TRIM61: variants seen among roughly 807,000 people sequenced by gnomAD.
The protein encoded by TRIM61 is tripartite motif containing 61.
Under a neutral mutation model 14.2 loss-of-function variants are expected in TRIM61, and 1 was observed. The ratio of observed to expected loss-of-function variants is 0.07; its 90% confidence interval spans 0.03 to 0.33. The LOEUF (loss-of-function observed/expected upper bound fraction) is 0.33. TRIM61 is among the 10% of genes least tolerant of loss of function. The probability of loss-of-function intolerance (pLI) is 0.99; values close to 1 mark genes in which losing one functional copy is unlikely to be tolerated. For synonymous variants in TRIM61, 8 were observed against 71.6 expected, an observed-to-expected ratio of 0.11 and a Z score of 4.49; for missense variants, 19 against 202.2, an observed-to-expected ratio of 0.09 and a Z score of 5.49.
At chr4:164,968,840 C>T in intron 3 of TRIM61, 3 of 985,910 alleles carry the variant, frequency 3.0e-6, no homozygotes, top group Non-Finnish European at 3.6e-6. Context: ...TCGCCAAATT[C>T]CCCATAATCC....
At chr4:164,970,811 G>A (rs1040723479) in intron 2 of TRIM61, among the ~76,000 whole-genome samples, 2 of 152,114 alleles carry the variant, frequency 1.3e-5, no homozygotes, top group African/African-American at 4.8e-5. Context: ...AAAAAATGCT[G>A]GGAACAGGCT....
chr4:164,957,173 G>A (rs751145806), intron 3 of TRIM61: 2 of 1,611,678 alleles, frequency 1.2e-6, no homozygotes, highest in Non-Finnish European at 1.7e-6. Context: ...TACGCTGACC[G>A]GCGGCCGCCA....
At chr4:164,955,426 G>A (rs1039433675) in intron 3 of TRIM61, among the ~76,000 whole-genome samples, 6 of 151,958 alleles carry the variant, frequency 3.9e-5, no homozygotes, top group Non-Finnish European at 8.8e-5. Flanking sequence ...TTTCCAGGCT[G>A]AGCTCAATGG....
chr4:164,958,837 A>T (rs1310966102), intron 3 of TRIM61: 1 of 167,122 alleles, frequency 6.0e-6, no homozygotes, highest in Non-Finnish European at 1.5e-5. Context: ...AAACAGAGGC[A>T]TGATTTATTC....
chr4:164,965,287 CA>C (rs10709058), intron 3 of TRIM61, among the ~76,000 whole-genome samples: 146,998 of 151,810 alleles, frequency 0.97, 71,217 homozygotes, highest in East Asian at 1. Context: ...GCCTCCATCT[CA>C]AAAAAAGACA....
At chr4:164,972,578 T>G (rs1732393831) in intron 2 of TRIM61, among the ~76,000 whole-genome samples, 2 of 152,200 alleles carry the variant, frequency 1.3e-5, no homozygotes. Context: ...AGCCTCCACC[T>G]CCCGGGTTCA....
At chr4:164,957,417 C>T (rs1316856468) in intron 3 of TRIM61, 1 of 1,613,916 alleles carries the variant, frequency 6.2e-7, no homozygotes. Context: ...ACCATCAGGT[C>T]CCAGCCTCTT....
At chr4:164,967,557 C>T (rs73002525) in intron 3 of TRIM61, among the ~76,000 whole-genome samples, 5,299 of 152,116 alleles carry the variant, frequency 0.035, 305 homozygotes, top group African/African-American at 0.12. Flanking sequence ...GGTTATCTAC[C>T]GGTTGTGTAT....
At chr4:164,968,042 C>T (rs1048421754) in intron 3 of TRIM61, 20 of 420,780 alleles carry the variant, frequency 4.8e-5, no homozygotes, top group Non-Finnish European at 9.5e-6. Flanking sequence ...ATCCCAGCTA[C>T]TTGGGAGGCT....
intron 3 of TRIM61, chr4:164,958,046 G>C (rs1050357492): frequency 1.2e-5 from 2 of 166,826 alleles, no homozygotes; most frequent in Non-Finnish European, 2.9e-5. Context: ...AATACAGTGC[G>C]ATTTGGAAAG....
chr4:164,959,661 A>G (rs573491315), intron 3 of TRIM61, among the ~76,000 whole-genome samples: 3 of 152,342 alleles, frequency 2.0e-5, no homozygotes, highest in South Asian at 2.1e-4. Context: ...TCCCAAAACC[A>G]CACTAAGAGG....
At chr4:164,969,072 A>C in intron 3 of TRIM61, 1 of 1,070,260 alleles carries the variant, frequency 9.3e-7, no homozygotes, top group East Asian at 8.8e-5. Context: ...CTATCTTCTG[A>C]GACTATAAGT....
intron 3 of TRIM61, 93 bp downstream of exon 3, chr4:164,968,188 A>G: frequency 2.0e-6 from 2 of 985,112 alleles, no homozygotes; most frequent in African/African-American, 3.5e-5. Flanking sequence ...AGAAAAAGAA[A>G]AGAGGCTGTA....
At chr4:164,972,175 G>C (rs1170320431) in intron 2 of TRIM61, among the ~76,000 whole-genome samples, 1 of 152,200 alleles carries the variant, frequency 6.6e-6, no homozygotes, top group Non-Finnish European at 1.5e-5. Flanking sequence ...ACATTATTGA[G>C]AGGACACCAG....
intron 3 of TRIM61, among the ~76,000 whole-genome samples, chr4:164,967,682 G>C (rs534464079): frequency 9.2e-5 from 14 of 152,228 alleles, no homozygotes; most frequent in African/African-American, 2.9e-4. Flanking sequence ...AAGTTACTTA[G>C]AAATATGGAG....
intron 3 of TRIM61, chr4:164,969,040 A>C: frequency 9.5e-7 from 1 of 1,054,396 alleles, no homozygotes; most frequent in Non-Finnish European, 1.1e-6. Flanking sequence ...TTTGTGTTGT[A>C]TTTCCATAGC....
At chr4:164,967,454 T>C (rs983327782) in intron 3 of TRIM61, among the ~76,000 whole-genome samples, 2 of 152,196 alleles carry the variant, frequency 1.3e-5, no homozygotes, top group Non-Finnish European at 2.9e-5. Context: ...TAAGTTAAGA[T>C]GGATTCTGAG....
chr4:164,955,568 C>CAAAAAA (rs10716862), intron 3 of TRIM61, among the ~76,000 whole-genome samples: 4 of 77,230 alleles, frequency 5.2e-5, no homozygotes, highest in Non-Finnish European at 8.2e-5. Flanking sequence ...GATTCAGTCT[C>CAAAAAA]AAAAAAAAAA....
At chr4:164,955,820 C>T (rs912268722) in intron 3 of TRIM61, among the ~76,000 whole-genome samples, 2 of 151,906 alleles carry the variant, frequency 1.3e-5, no homozygotes, top group Non-Finnish European at 2.9e-5. Flanking sequence ...TCCTCAATCC[C>T]GATTTAAACT....
Sources: allele counts gnomAD v4.1 joint callset (sites outside exome capture counted in the v4.1 genomes callset), GRCh38; gene constraint gnomAD v4.1.1; transcripts MANE v1.5; gene names NCBI Gene and HGNC (gene_info 2026-07-23, HGNC 2026-07-21).